NMRAL1: variants seen among roughly 807,000 people sequenced by gnomAD.
NMRAL1 encodes the protein NmrA like redox sensor 1, also known as nmrA-like family domain-containing protein 1.
In NMRAL1, 32 loss-of-function variants were observed where a neutral mutation model predicts 27.5. The observed-to-expected ratio is 1.16, with a 90% CI of 0.88 to 1.56. The LOEUF is 1.56. Ranked by LOEUF, NMRAL1 falls within the 40% of genes most tolerant of loss-of-function variation. NMRAL1 has a pLI of 0.00. For missense variants in NMRAL1, 420 were observed against 392.0 expected, an observed-to-expected ratio of 1.07 and a Z score of -0.60; for synonymous variants, 166 against 166.8, an observed-to-expected ratio of 1.00 and a Z score of 0.04.
intron 1 of NMRAL1, 154 bp downstream of exon 1, chr16:4,474,400 C>T (rs536351175): frequency 6.4e-6 from 3 of 469,650 alleles, no homozygotes; most frequent in Non-Finnish European, 1.2e-5. Context: ...CCCCCCGGCC[C>T]GGGTCCCACC....
chr16:4,468,635 AG>A (rs2057423609), intron 3 of NMRAL1, among the ~76,000 whole-genome samples: 2 of 142,726 alleles, frequency 1.4e-5, no homozygotes, highest in Non-Finnish European at 3.1e-5. Flanking sequence ...AAAAAAAAAA[AG>A]ATCTGCGTTA....
At chr16:4,468,080 G>A (rs1282216101) in intron 3 of NMRAL1, among the ~76,000 whole-genome samples, 10 of 149,716 alleles carry the variant, frequency 6.7e-5, no homozygotes, top group South Asian at 4.3e-4. Flanking sequence ...CAGGCGGATC[G>A]CCTGAGGCCG....
chr16:4,471,604 G>A (rs2057567882), intron 2 of NMRAL1, among the ~76,000 whole-genome samples: 1 of 132,260 alleles, frequency 7.6e-6, no homozygotes, highest in Non-Finnish European at 1.6e-5. Context: ...GGGTAACAGA[G>A]TAAGGCCCTG....
intron 2 of NMRAL1, 92 bp from the exon 3 acceptor site, chr16:4,469,557 G>A: frequency 6.4e-7 from 1 of 1,560,532 alleles, no homozygotes; most frequent in Middle Eastern, 1.7e-4. Flanking sequence ...ACCACAGCAA[G>A]GAGCATCCAG....
chr16:4,475,432 TGA>T (rs2057793178), upstream of NMRAL1, among the ~76,000 whole-genome samples: 2 of 151,394 alleles, frequency 1.3e-5, no homozygotes, highest in South Asian at 4.2e-4. Flanking sequence ...CTCAGTTTCC[TGA>T]GTAGCTGGGA....
At chr16:4,472,569 C>A (rs2057609203) in intron 2 of NMRAL1, among the ~76,000 whole-genome samples, 1 of 152,076 alleles carries the variant, frequency 6.6e-6, no homozygotes, top group Non-Finnish European at 1.5e-5. Flanking sequence ...CATGGCAAAA[C>A]CCCATCTCTA....
At chr16:4,469,752 A>AGCTACTCAGGAG in intron 2 of NMRAL1, 1 of 434,042 alleles carries the variant, frequency 2.3e-6, no homozygotes, top group Admixed American at 3.8e-5. Context: ...CTGTACTCCC[A>AGCTACTCAGGAG]GCTACTCAGG....
chr16:4,465,274 G>A (rs943260739), intron 4 of NMRAL1, among the ~76,000 whole-genome samples: 5 of 152,150 alleles, frequency 3.3e-5, no homozygotes, highest in African/African-American at 7.2e-5. Context: ...GACTTGGCCC[G>A]CCAGGTGAGC....
At chr16:4,464,063 C>T (rs1001284972) in intron 4 of NMRAL1, 2 of 547,938 alleles carry the variant, frequency 3.7e-6, no homozygotes, top group Non-Finnish European at 6.4e-6. Flanking sequence ...GGTACTGCCA[C>T]CTAGGGCAGG....
At position 4,461,818 on chromosome 16, in the gene NMRAL1, A is replaced by C. The variant is rs748351440; in HGVS notation, c.862T>G (p.Trp288Gly). ...AAGTCCCCTTTGTGCTGTTCCAGCC[A>C]CTGGTCCAGCGTCAGGGCCTTGGGG... ...LNPKALTLDQ[W>G]LEQHKGDFNL... Residue 288 changes from tryptophan (W) to glycine (G), a missense_variant, in exon 6 of 6, where the codon TGG becomes GGG. Physicochemically the swap from Trp to Gly is radical, Grantham distance 184. Transcript: ENST00000283429. 1.2e-6 allele frequency: 2 copies of C among 1,614,150 alleles called. No individual in the cohort carries two copies. The highest frequency in any genetic ancestry group is 1.7e-5 in the Admixed American group (1 of 60,012).
At position 4,469,775 on chromosome 16, in the gene NMRAL1, G is replaced by C. The variant is rs368878347; in HGVS notation, c.41-310C>G. 14 of 327,314 alleles carry C rather than the reference G, an allele frequency of 4.3e-5. No homozygotes were observed. The East Asian group carries it at 4.6e-4, about 11-fold the overall frequency. 20.3% of individuals were successfully genotyped at this position (327,314 alleles called of 1,614,324 possible). On this transcript the variant is annotated intron_variant, in intron 2 of 5. Coordinates refer to ENST00000283429, the MANE Select transcript of NMRAL1 (RefSeq NM_020677.6). The stretch of plus-strand genomic sequence containing the variant: ...CCAGCTACTCAGGAGGCTGAGGCAC[G>C]AGAATTGCTGGAACCCAGGAGGCGG...
At chr16:4,462,027 C>A (rs1054279561) in intron 5 of NMRAL1, 68 bp from the exon 6 acceptor site, 25 of 1,399,982 alleles carry the variant, frequency 1.8e-5, no homozygotes, top group Non-Finnish European at 2.5e-5. Context: ...GGCAGGGAGG[C>A]CGGATGGGCT....
At chr16:4,466,513 TA>T in intron 3 of NMRAL1, 111 bp from the exon 4 acceptor site, 1 of 1,034,738 alleles carries the variant, frequency 9.7e-7, no homozygotes, top group Non-Finnish European at 1.4e-6. Context: ...GGTTAACATC[TA>T]GACCCCACTT....
chr16:4,466,082 C>T (rs1275116470), intron 4 of NMRAL1, 71 bp downstream of exon 4: 8 of 1,580,732 alleles, frequency 5.1e-6, no homozygotes, highest in East Asian at 4.5e-5. Context: ...GACAGCGGCC[C>T]GCGGTCTGTT....
At chr16:4,470,528 A>C (rs1426892597) in intron 2 of NMRAL1, among the ~76,000 whole-genome samples, 1 of 152,124 alleles carries the variant, frequency 6.6e-6, no homozygotes, top group Non-Finnish European at 1.5e-5. Context: ...TAGAATACAA[A>C]ACCATATTCA....
intron 3 of NMRAL1, among the ~76,000 whole-genome samples, chr16:4,468,508 C>G (rs1050542894): frequency 1.3e-5 from 2 of 151,026 alleles, no homozygotes; most frequent in Admixed American, 1.3e-4. Context: ...CCCAGCTACT[C>G]GGGAGGCTGA....
chr16:4,463,305 C>G, intron 5 of NMRAL1: 1 of 344,726 alleles, frequency 2.9e-6, no homozygotes. Flanking sequence ...AGCCTCTTTC[C>G]CTTTAAATCC....
intron 3 of NMRAL1, among the ~76,000 whole-genome samples, chr16:4,467,399 A>C (rs1398736260): frequency 6.6e-6 from 1 of 151,358 alleles, no homozygotes; most frequent in African/African-American, 2.4e-5. Flanking sequence ...ATGCCTGGCT[A>C]ATTTTTGTAT....
At position 4,463,691 on chromosome 16, in the gene NMRAL1, T is replaced by A; in HGVS notation, c.689A>T (p.Lys230Met). The change falls in exon 5 of 6, where the codon AAG becomes ATG. Residue 230 changes from lysine (K) to methionine (M), a missense_variant. Transcript: ENST00000283429. ...ATCGTGCACGACCTTGCGGGTGTGC[T>A]TGGTGAGCAGGGCAGCGTACTCCTC... ...TAEEYAALLT[K>M]HTRKVVHDAK... is the part of the protein sequence containing the mutation. 1.2e-6 allele frequency: 2 copies of A among 1,614,006 alleles called. No individual in the cohort carries two copies. The highest frequency in any genetic ancestry group is 1.7e-6 in the Non-Finnish European group (2 of 1,180,014).
Sources: gnomAD v4.1 joint callset for allele counts (sites outside exome capture counted in the v4.1 genomes callset) on GRCh38, gnomAD v4.1.1 for gene constraint, MANE v1.5 for transcripts, NCBI Gene and HGNC (gene_info 2026-07-23, HGNC 2026-07-21) for gene names.